The following DYDC1 variants were observed in gnomAD, a reference collection of about 807,000 sequenced individuals.
The protein encoded by DYDC1 is DPY30 domain-containing protein 1.
Under a neutral mutation model 27.9 loss-of-function variants are expected in DYDC1, and 21 were observed. The ratio of observed to expected loss-of-function variants is 0.75; its 90% CI spans 0.53 to 1.08. The LOEUF (loss-of-function observed/expected upper bound fraction) is 1.08. Ranked by LOEUF, DYDC1 falls within the 50% of genes least tolerant of loss-of-function variation. The probability of loss-of-function intolerance (pLI) is 0.00; values close to 1 mark genes in which losing one functional copy is unlikely to be tolerated. For missense variants in DYDC1, 202 were observed against 205.9 expected (o/e 0.98, Z 0.12); for synonymous variants, 67 against 65.8 (o/e 1.02, Z -0.09).
At chr10:80,337,610 G>A (rs555288712) in intron 6 of DYDC1, among the ~76,000 whole-genome samples, 1 of 152,026 alleles carries the variant, frequency 6.6e-6, no homozygotes, top group Non-Finnish European at 1.5e-5. Flanking sequence ...TCATGGTCTG[G>A]CCCCTGCTTT....
chr10:80,336,336 G>A lies in DYDC1; in HGVS notation c.505-151C>T, dbSNP rs563811630. 1.5e-3 allele frequency: 2,029 copies of A among 1,359,088 alleles called. 1 individual carries two copies. Among genetic ancestry groups the A allele is most frequent in the Non-Finnish European group, 1.8e-3 (1,961 of 1,065,474 alleles). 84.2% of individuals were successfully genotyped at this position (1,359,088 alleles called of 1,614,324 possible). A position where few individuals can be genotyped will look rare whatever the true frequency, so the allele number is the denominator to read the frequency against. On this transcript the variant is annotated intron_variant, in intron 6 of 6. Transcript: ENST00000372202. ...GATGATTTCAAATGATACTCAAATT[G>A]AATATAACCATAAATTATGTTCTCA...
At chr10:80,339,043 A>C (rs1028895264) in intron 5 of DYDC1, 54 bp downstream of exon 5, 1 of 1,025,726 alleles carries the variant, frequency 9.7e-7, no homozygotes, top group Middle Eastern at 2.1e-4. Context: ...TAAGCTTTAC[A>C]TTCTAGGATA....
Position 80,352,590 on chromosome 10 carries a change from T to C in DYDC1, c.12A>G (p.Ile4Met). The C allele has an allele frequency of 1.9e-6, 3 of 1,603,110 alleles. No homozygotes were observed. The highest frequency in any genetic ancestry group is 2.2e-5 in the East Asian group (1 of 44,778). Reference sequence around the variant, plus strand: ...AGGCCCCAAGGTGCTTTTGAAGATATATTGACTCCATTTCTAACTCCTAAA... The same window carrying C: ...AGGCCCCAAGGTGCTTTTGAAGATACATTGACTCCATTTCTAACTCCTAAA... MES[I>M]YLQKHLGACL... Residue 4 changes from isoleucine to methionine, a missense_variant, in exon 2 of 7, where the codon ATA (isoleucine) becomes ATG (methionine). Ile to Met is a conservative substitution (Grantham distance 10). Transcript: ENST00000372202.
rs111811029 is a variant in DYDC1, at chr10:80,352,032, A to C, written c.148-30T>G. The C allele has an allele frequency of 7.0e-5, 112 of 1,604,396 alleles. No individual in the cohort carries two copies. In the African/African-American group the frequency reaches 1.0e-3, roughly 15 times the overall value. On this transcript the variant is annotated intron_variant, in intron 2 of 6. Transcript: ENST00000372202. Reference sequence around the variant, plus strand: ...CATTGTTTAAAAACAACAGCACACGACTTCTTAGCGAGAAAGCAATTTGTA... The same window carrying C: ...CATTGTTTAAAAACAACAGCACACGCCTTCTTAGCGAGAAAGCAATTTGTA...
intron 3 of DYDC1, among the ~76,000 whole-genome samples, chr10:80,350,018 A>G (rs548796009): frequency 3.9e-5 from 6 of 152,164 alleles, no homozygotes; most frequent in African/African-American, 1.4e-4. Flanking sequence ...TCCAGCTTAC[A>G]TGACTCAGAA....
In DYDC1 at chr10:80,353,589, C is replaced by T. The variant is rs969484858; in HGVS notation, c.-9-979G>A. Among the ~76,000 whole-genome samples the T allele has an allele frequency of 7.9e-5, 12 of 151,752 alleles. No individual in the cohort carries two copies. In the East Asian group the frequency reaches 1.4e-3, roughly 17 times the overall value. On this transcript the variant is annotated intron_variant, in intron 1 of 6. Transcript: ENST00000372202. ...GAAATCGGCTGGGCACAGTGGCTCACGCCTGTAATCACAGCACTTTGGGAG... is the reference window on the plus strand; with the variant it reads ...GAAATCGGCTGGGCACAGTGGCTCATGCCTGTAATCACAGCACTTTGGGAG...
At chr10:80,352,981 G>A (rs996421787) in intron 1 of DYDC1, among the ~76,000 whole-genome samples, 4 of 152,126 alleles carry the variant, frequency 2.6e-5, no homozygotes, top group Non-Finnish European at 5.9e-5. Flanking sequence ...AGCAAGCCCA[G>A]GCACAGACAG....
At chr10:80,355,986 TAAA>T (rs370903702) in intron 1 of DYDC1, among the ~76,000 whole-genome samples, 5 of 118,866 alleles carry the variant, frequency 4.2e-5, no homozygotes, top group Non-Finnish European at 3.6e-5. Flanking sequence ...GAAGTGAAGT[TAAA>T]AAAAAAAAAA....
At chr10:80,342,949 C>A (rs1468673663) in intron 3 of DYDC1, among the ~76,000 whole-genome samples, 2 of 143,242 alleles carry the variant, frequency 1.4e-5, no homozygotes, top group Admixed American at 1.5e-4. Context: ...CCATTGCATT[C>A]CAGCCTAGGC....
At chr10:80,356,514 A>G (rs992848097) in intron 1 of DYDC1, 198 bp downstream of exon 1, 5 of 985,342 alleles carry the variant, frequency 5.1e-6, no homozygotes, top group Non-Finnish European at 6.0e-6. Flanking sequence ...CAGGAGACGC[A>G]GCGCTCCCCG....
intron 3 of DYDC1, among the ~76,000 whole-genome samples, chr10:80,345,444 A>C (rs1210627794): frequency 6.6e-6 from 1 of 151,936 alleles, no homozygotes; most frequent in Non-Finnish European, 1.5e-5. Context: ...CCTAAAATCT[A>C]CTCTCTTAAA....
chr10:80,355,693 A>G (rs1157400121), intron 1 of DYDC1, among the ~76,000 whole-genome samples: 4 of 152,160 alleles, frequency 2.6e-5, no homozygotes, highest in African/African-American at 9.7e-5. Flanking sequence ...AAAGAAAACG[A>G]GGTGCTGAAA....
At chr10:80,351,572 A>G (rs192092099) in intron 3 of DYDC1, among the ~76,000 whole-genome samples, 1 of 151,866 alleles carries the variant, frequency 6.6e-6, no homozygotes, top group Non-Finnish European at 1.5e-5. Context: ...GATATGGTTG[A>G]CCACTCAGAT....
At chr10:80,355,045 T>TAAA (rs200280665) in intron 1 of DYDC1, among the ~76,000 whole-genome samples, 1 of 143,852 alleles carries the variant, frequency 7.0e-6, no homozygotes, top group Non-Finnish European at 1.5e-5. Context: ...GTCAGGAAAG[T>TAAA]AAAAAAAAAG....
intron 3 of DYDC1, among the ~76,000 whole-genome samples, chr10:80,345,646 A>T (rs538626116): frequency 2.0e-5 from 3 of 148,256 alleles, no homozygotes; most frequent in African/African-American, 5.0e-5. Context: ...TGTATTCAAC[A>T]TTTTTTTTTT....
intron 6 of DYDC1, chr10:80,338,260 T>C (rs1266818841): frequency 1.0e-6 from 1 of 985,350 alleles, no homozygotes; most frequent in Admixed American, 6.1e-5. Context: ...GAGATATAGA[T>C]AAGCCAGTGA....
chr10:80,346,173 C>G (rs1315184051), intron 3 of DYDC1, among the ~76,000 whole-genome samples: 1 of 151,918 alleles, frequency 6.6e-6, no homozygotes, highest in Non-Finnish European at 1.5e-5. Context: ...CAGTCATCCA[C>G]TGACAGACAT....
In DYDC1 at chr10:80,353,705, G is replaced by A. The variant is rs1205676832; in HGVS notation, c.-9-1095C>T. Among the ~76,000 whole-genome samples, 3 of 151,826 alleles carry A rather than the reference G, an allele frequency of 2.0e-5. No homozygotes were observed. In the East Asian group the frequency reaches 6.0e-4, roughly 30 times the overall value. On this transcript the variant is annotated intron_variant, in intron 1 of 6. Coordinates refer to ENST00000372202, the MANE Select transcript of DYDC1 (RefSeq NM_001269053.2). ...TGCCAGCTGTGTGATCCTGAACTGTGCACTTACTCTGTCTGTGCCTGGGCT... is the reference window on the plus strand; with the variant it reads ...TGCCAGCTGTGTGATCCTGAACTGTACACTTACTCTGTCTGTGCCTGGGCT...
intron 4 of DYDC1, among the ~76,000 whole-genome samples, chr10:80,339,360 G>C (rs977174483): frequency 2.0e-5 from 3 of 152,096 alleles, no homozygotes; most frequent in Non-Finnish European, 4.4e-5. Context: ...AGGCAACCAT[G>C]TTTTATATAT....
Sources: allele counts gnomAD v4.1 joint callset (sites outside exome capture counted in the v4.1 genomes callset), GRCh38; gene constraint gnomAD v4.1.1; transcripts MANE v1.5; gene names NCBI Gene and HGNC (gene_info 2026-07-23, HGNC 2026-07-21).